Variants in RBFOX1 observed in about 807,000 individuals in gnomAD.
RBFOX1 encodes the protein RNA binding fox-1 homolog 1, also known as RNA binding protein fox-1 homolog 1.
A neutral mutation model predicts 57.7 loss-of-function variants in RBFOX1; 8 were observed. The ratio of observed to expected loss-of-function variants is 0.14; its 90% CI spans 0.08 to 0.25. The LOEUF (loss-of-function observed/expected upper bound fraction) is 0.25, where lower values mean the gene tolerates loss of function less well. Among genes scored for constraint, RBFOX1 ranks in the 10% least tolerant of loss-of-function variants. The pLI, the probability that RBFOX1 is intolerant of heterozygous loss-of-function variation, is 1.00. For missense variants in RBFOX1, 611 were observed against 548.5 expected (o/e 1.11, Z -1.14); for synonymous variants, 326 against 222.4 (o/e 1.47, Z -4.15).
intron 4 of RBFOX1, among the ~76,000 whole-genome samples, chr16:7,097,090 C>A (rs1395954705): frequency 6.6e-6 from 1 of 152,044 alleles, no homozygotes; most frequent in Non-Finnish European, 1.5e-5. Context: ...GCAAGGAGAT[C>A]TAGGACAAAA....
chr16:6,507,102 G>A (rs1409781692), intron 2 of RBFOX1, among the ~76,000 whole-genome samples: 3 of 151,994 alleles, frequency 2.0e-5, no homozygotes, highest in Non-Finnish European at 2.9e-5. Flanking sequence ...CCAAGTCTCC[G>A]CTTCTGATGT....
chr16:6,604,143 C>G (rs1028832422), intron 2 of RBFOX1, among the ~76,000 whole-genome samples: 5 of 151,942 alleles, frequency 3.3e-5, no homozygotes, highest in Non-Finnish European at 7.4e-5. Flanking sequence ...GCAGCATCCC[C>G]TCGCCTTGGC....
intron 4 of RBFOX1, among the ~76,000 whole-genome samples, chr16:7,283,588 G>A (rs957972119): frequency 2.0e-5 from 3 of 152,004 alleles, no homozygotes; most frequent in Non-Finnish European, 4.4e-5. Context: ...CCCCTAGATC[G>A]CCTCTCCCTA....
intron 3 of RBFOX1, among the ~76,000 whole-genome samples, chr16:6,750,870 T>C (rs1485529493): frequency 6.6e-6 from 1 of 152,064 alleles, no homozygotes; most frequent in Non-Finnish European, 1.5e-5. Flanking sequence ...GCTGAAATAG[T>C]GAGTGATGGT....
At chr16:5,411,032 G>A (rs1400862967) in intron 1 of RBFOX1, among the ~76,000 whole-genome samples, 2 of 152,246 alleles carry the variant, frequency 1.3e-5, no homozygotes, top group African/African-American at 4.8e-5. Context: ...CTCATTAAAT[G>A]TGAGTTGTTA....
At chr16:7,122,838 A>G (rs912931399) in intron 4 of RBFOX1, among the ~76,000 whole-genome samples, 1 of 152,214 alleles carries the variant, frequency 6.6e-6, no homozygotes, top group Non-Finnish European at 1.5e-5. Flanking sequence ...TTGAAGCATT[A>G]CATGTACACG....
intron 4 of RBFOX1, among the ~76,000 whole-genome samples, chr16:7,359,811 C>T (rs184214552): frequency 1.0e-3 from 152 of 152,112 alleles, no homozygotes; most frequent in East Asian, 1.4e-3. Context: ...GGTGAAACCC[C>T]GTCTCTACTG....
At chr16:6,279,600 A>G (rs1221231587) in intron 1 of RBFOX1, among the ~76,000 whole-genome samples, 1 of 152,230 alleles carries the variant, frequency 6.6e-6, no homozygotes. Context: ...TTGGCCTTGG[A>G]GAAGGAACAC....
At chr16:7,685,631 T>C (rs1428296976) in intron 14 of RBFOX1, among the ~76,000 whole-genome samples, 1 of 152,134 alleles carries the variant, frequency 6.6e-6, no homozygotes, top group Admixed American at 6.5e-5. Context: ...CGGTTTCAGA[T>C]TGACATATTT....
chr16:5,256,299 A>C (rs1034031353), intron 1 of RBFOX1, among the ~76,000 whole-genome samples: 5 of 152,172 alleles, frequency 3.3e-5, no homozygotes, highest in Non-Finnish European at 7.3e-5. Flanking sequence ...CCCATGGCAG[A>C]GTTGAGTGAT....
chr16:6,328,370 C>T (rs2082617039), intron 2 of RBFOX1, among the ~76,000 whole-genome samples: 1 of 152,032 alleles, frequency 6.6e-6, no homozygotes, highest in African/African-American at 2.4e-5. Flanking sequence ...TCTCACAGAT[C>T]GCCACTAAAG....
intron 1 of RBFOX1, among the ~76,000 whole-genome samples, chr16:6,235,717 T>G (rs1292245964): frequency 6.6e-6 from 1 of 152,060 alleles, no homozygotes; most frequent in Non-Finnish European, 1.5e-5. Flanking sequence ...GTGATCTGAA[T>G]GAGATTGGAG....
chr16:5,927,550 A>G (rs967224379), intron 4 of RBFOX1, among the ~76,000 whole-genome samples: 2 of 152,226 alleles, frequency 1.3e-5, no homozygotes, highest in South Asian at 4.1e-4. Flanking sequence ...GTTCCCCCCA[A>G]AAGTAGAAGT....
chr16:5,719,253 G>A (rs1348939128), intron 3 of RBFOX1, among the ~76,000 whole-genome samples: 8 of 148,530 alleles, frequency 5.4e-5, no homozygotes, highest in African/African-American at 2.0e-4. Flanking sequence ...CCAGGCTGGA[G>A]TGCAGTGGCA....
intron 4 of RBFOX1, among the ~76,000 whole-genome samples, chr16:7,119,618 A>G (rs762758500): frequency 1.3e-5 from 2 of 152,112 alleles, no homozygotes; most frequent in Non-Finnish European, 1.5e-5. Context: ...ACAGGAGGAC[A>G]TTATATAAGG....
intron 1 of RBFOX1, among the ~76,000 whole-genome samples, chr16:6,082,475 G>C (rs774685336): frequency 2.8e-4 from 42 of 147,492 alleles, no homozygotes; most frequent in African/African-American, 1.0e-3. Context: ...AGCCTCCAGT[G>C]CATTTTAGGC....
intron 4 of RBFOX1, among the ~76,000 whole-genome samples, chr16:7,471,563 A>C (rs777974178): frequency 1.3e-5 from 2 of 152,220 alleles, no homozygotes; most frequent in African/African-American, 4.8e-5. Flanking sequence ...ATTTCAAAAA[A>C]AATGAGTCCT....
chr16:5,770,612 T>C lies in RBFOX1; in HGVS notation c.319-96691T>C, dbSNP rs1690237726. 2.6e-5 allele frequency among the ~76,000 whole-genome samples: 4 copies of C among 152,362 alleles called. No individual in the cohort carries two copies. In the South Asian group the frequency reaches 8.3e-4, roughly 32 times the overall value. On this transcript the variant is annotated intron_variant, in intron 3 of 19. Transcript: ENST00000641259. Reference sequence around the variant, plus strand: ...GCCATTTTCCTGTTCTCTGTTGCTCTAGTAAACACGCTTTGCTTTCATTTT... The same window carrying C: ...GCCATTTTCCTGTTCTCTGTTGCTCCAGTAAACACGCTTTGCTTTCATTTT...
chr16:6,478,429 A>ATACATATACATATATATATATTTTTTT (rs1159954387), intron 2 of RBFOX1, among the ~76,000 whole-genome samples: 1 of 24,634 alleles, frequency 4.1e-5, no homozygotes, highest in African/African-American at 1.3e-4. Context: ...ATATATATAT[A>ATACATATACATATATATATATTTTTTT]TTTTTTTTTT....
Sources: allele counts gnomAD v4.1 joint callset (sites outside exome capture counted in the v4.1 genomes callset), GRCh38; gene constraint gnomAD v4.1.1; transcripts MANE v1.5; gene names NCBI Gene and HGNC (gene_info 2026-07-23, HGNC 2026-07-21).